MPP7: variants seen among roughly 807,000 people sequenced by gnomAD.
The protein encoded by MPP7 is MAGUK p55 subfamily member 7.
Under a neutral mutation model 76.5 loss-of-function variants are expected in MPP7, and 60 were observed. The observed-to-expected ratio is 0.78, with a 90% CI of 0.64 to 0.97. The LOEUF is 0.97. MPP7 is among the 50% of genes least tolerant of loss of function. The pLI is 0.00. For missense variants in MPP7, 641 were observed against 694.0 expected (o/e 0.92, Z 0.86); for synonymous variants, 237 against 244.5 (o/e 0.97, Z 0.29).
At chr10:28,238,903 C>A (rs1270517548) in intron 1 of MPP7, among the ~76,000 whole-genome samples, 168 bp from the exon 2 acceptor site, 1 of 152,158 alleles carries the variant, frequency 6.6e-6, no homozygotes, top group African/African-American at 2.4e-5. Flanking sequence ...AGTTTCTGAT[C>A]TTGACAAGCA....
intron 5 of MPP7, among the ~76,000 whole-genome samples, chr10:28,146,810 C>T (rs1438385797): frequency 6.6e-6 from 1 of 151,904 alleles, no homozygotes. Context: ...ACATAATTGC[C>T]CCAGCGTCAA....
intron 8 of MPP7, among the ~76,000 whole-genome samples, chr10:28,121,684 T>A (rs1397557819): frequency 6.6e-6 from 1 of 152,146 alleles, no homozygotes; most frequent in Non-Finnish European, 1.5e-5. Flanking sequence ...TCCTGCTAAT[T>A]TGTAAGCTCC....
At chr10:28,176,212 T>C (rs1348505338) in intron 3 of MPP7, among the ~76,000 whole-genome samples, 1 of 151,348 alleles carries the variant, frequency 6.6e-6, no homozygotes, top group Non-Finnish European at 1.5e-5. Flanking sequence ...TGAGATTGCA[T>C]CACTGCAATT....
intron 11 of MPP7, among the ~76,000 whole-genome samples, chr10:28,093,336 A>G (rs1051691393): frequency 6.6e-6 from 1 of 152,218 alleles, no homozygotes; most frequent in Non-Finnish European, 1.5e-5. Flanking sequence ...AATAACATCC[A>G]AAAGTAAAAA....
chr10:28,300,094 C>T (rs997806055), intron 1 of MPP7, among the ~76,000 whole-genome samples: 1 of 152,156 alleles, frequency 6.6e-6, no homozygotes, highest in Middle Eastern at 3.2e-3. Flanking sequence ...TCATTCATTA[C>T]AATTTTGTCT....
chr10:28,267,460 A>T (rs1183626418), intron 1 of MPP7, among the ~76,000 whole-genome samples: 1 of 152,200 alleles, frequency 6.6e-6, no homozygotes, highest in Non-Finnish European at 1.5e-5. Flanking sequence ...AAGAAGCAAT[A>T]AATACCACAG....
intron 2 of MPP7, among the ~76,000 whole-genome samples, chr10:28,230,802 C>T (rs1422216223): frequency 1.3e-5 from 2 of 151,950 alleles, no homozygotes; most frequent in Admixed American, 6.6e-5. Flanking sequence ...GGAGACAGAG[C>T]GAGAATCCAT....
intron 3 of MPP7, among the ~76,000 whole-genome samples, chr10:28,199,758 T>C (rs1033798431): frequency 1.3e-5 from 2 of 151,726 alleles, no homozygotes; most frequent in Non-Finnish European, 2.9e-5. Flanking sequence ...AGGCATACAC[T>C]ACTATGCCTG....
chr10:28,309,789 G>A (rs12221390), intron 2 of MPP7, among the ~76,000 whole-genome samples: 54,117 of 151,494 alleles, frequency 0.36, 9,896 homozygotes, highest in East Asian at 0.54. Context: ...CAGTCAGTGC[G>A]TTCTTTGGAG....
chr10:28,272,978 C>T (rs957079367), intron 1 of MPP7, among the ~76,000 whole-genome samples: 4 of 152,098 alleles, frequency 2.6e-5, no homozygotes, highest in African/African-American at 4.8e-5. Context: ...AGTGTAGTGG[C>T]GCGATCTCAG....
intron 1 of MPP7, chr10:28,280,188 T>A (rs1021432403): frequency 6.6e-5 from 10 of 152,110 alleles, no homozygotes; most frequent in Admixed American, 6.5e-4. Flanking sequence ...CTGCTCTAGA[T>A]TTGTTTTAGG....
At chr10:28,258,507 C>A (rs1839858848) in intron 1 of MPP7, among the ~76,000 whole-genome samples, 1 of 150,602 alleles carries the variant, frequency 6.6e-6, no homozygotes, top group Non-Finnish European at 1.5e-5. Flanking sequence ...TCAAGCAATT[C>A]CCCTGCCTCA....
chr10:28,225,237 G>C (rs1030587834), intron 2 of MPP7, among the ~76,000 whole-genome samples: 1 of 152,052 alleles, frequency 6.6e-6, no homozygotes, highest in African/African-American at 2.4e-5. Context: ...GAAAACATAG[G>C]AGTAAATTTT....
chr10:28,207,990 A>T (rs1447870171), intron 2 of MPP7, among the ~76,000 whole-genome samples: 1 of 152,200 alleles, frequency 6.6e-6, no homozygotes, highest in Non-Finnish European at 1.5e-5. Context: ...ATTTGAACAG[A>T]GAAGCTTAAT....
At chr10:28,114,878 T>C (rs1266135867) in intron 11 of MPP7, among the ~76,000 whole-genome samples, 1 of 152,164 alleles carries the variant, frequency 6.6e-6, no homozygotes, top group Non-Finnish European at 1.5e-5. Context: ...TCTTGGGGAA[T>C]CCCAGGAGAA....
intron 12 of MPP7, among the ~76,000 whole-genome samples, chr10:28,070,798 A>C (rs1337533994): frequency 1.3e-5 from 2 of 152,256 alleles, no homozygotes; most frequent in Non-Finnish European, 2.9e-5. Flanking sequence ...TCACCGGTTA[A>C]TTATGAGTCC....
intron 3 of MPP7, among the ~76,000 whole-genome samples, chr10:28,165,907 C>T (rs7079595): frequency 1.3e-5 from 2 of 151,584 alleles, no homozygotes; most frequent in African/African-American, 4.8e-5. Flanking sequence ...TGCCTGTAGT[C>T]TCAGCTACTT....
chr10:28,082,453 T>G (rs1338905605), intron 12 of MPP7, among the ~76,000 whole-genome samples: 1 of 151,142 alleles, frequency 6.6e-6, no homozygotes, highest in Non-Finnish European at 1.5e-5. Context: ...CCTCCTTCCT[T>G]ATCCTTCCTC....
At chr10:28,117,564 A>G (rs1834700317) in intron 11 of MPP7, among the ~76,000 whole-genome samples, 2 of 152,122 alleles carry the variant, frequency 1.3e-5, no homozygotes, top group Admixed American at 6.5e-5. Context: ...AAATCCAGAA[A>G]GTAGTGGATC....
Sources: allele counts gnomAD v4.1 joint callset (sites outside exome capture counted in the v4.1 genomes callset), GRCh38; gene constraint gnomAD v4.1.1; transcripts MANE v1.5; gene names NCBI Gene and HGNC (gene_info 2026-07-23, HGNC 2026-07-21).